Variants in CYTH3 observed in about 807,000 individuals in gnomAD.
CYTH3 encodes the protein cytohesin 3, also known as cytohesin-3.
CYTH3 carries 23 observed loss-of-function variants against 55.1 expected under a neutral mutation model. That is an observed-to-expected ratio of 0.42 (90% CI 0.30 to 0.59). The LOEUF (loss-of-function observed/expected upper bound fraction) is 0.59. Ranked by LOEUF, CYTH3 falls within the 20% of genes least tolerant of loss-of-function variation. The pLI is 0.20. For missense variants in CYTH3, 413 were observed against 524.8 expected (o/e 0.79, Z 2.08); for synonymous variants, 249 against 194.9 (o/e 1.28, Z -2.31).
Position 6,171,337 on chromosome 7 carries a change from G to C in CYTH3, c.450-23C>G. ...TGCCTGTGGAGACACCAAAGCCATG[G>C]GAAGCCGCATCAGAACCAACACCGC... is the stretch of plus-strand genomic sequence containing the variant. On this transcript the variant is annotated intron_variant, in intron 6 of 12. Coordinates refer to ENST00000350796, the MANE Select transcript of CYTH3 (RefSeq NM_004227.4). The surrounding 1 kb of genome is among the most constrained non-coding windows in gnomAD (Gnocchi z 6.7). 6.2e-7 allele frequency: 1 copy of C among 1,611,662 alleles called. No homozygotes were observed. The highest frequency in any genetic ancestry group is 8.5e-7 in the Non-Finnish European group (1 of 1,177,940).
At chr7:6,234,724 C>T (rs1375087041) in intron 1 of CYTH3, among the ~76,000 whole-genome samples, 4 of 152,174 alleles carry the variant, frequency 2.6e-5, no homozygotes, top group Non-Finnish European at 5.9e-5. Flanking sequence ...CCAGCTCTCC[C>T]ACCGCGTGGC....
At chr7:6,256,525 C>G (rs974832574) in intron 1 of CYTH3, among the ~76,000 whole-genome samples, 2 of 152,156 alleles carry the variant, frequency 1.3e-5, no homozygotes, top group Non-Finnish European at 2.9e-5. Context: ...CGCTCTTCAC[C>G]AGAATCATAA....
At chr7:6,255,921 G>T (rs909293453) in intron 1 of CYTH3, among the ~76,000 whole-genome samples, 1 of 151,632 alleles carries the variant, frequency 6.6e-6, no homozygotes, top group African/African-American at 2.4e-5. Flanking sequence ...CCGCCACTAC[G>T]CCCAGCTAAT....
chr7:6,181,392 G>C (rs548934251), intron 4 of CYTH3, among the ~76,000 whole-genome samples: 1 of 152,176 alleles, frequency 6.6e-6, no homozygotes, highest in Non-Finnish European at 1.5e-5. Flanking sequence ...TGAGTGACAG[G>C]ACAGACAGAA....
chr7:6,175,444 A>G (rs1347995190), intron 5 of CYTH3, among the ~76,000 whole-genome samples: 2 of 151,228 alleles, frequency 1.3e-5, no homozygotes, highest in East Asian at 3.9e-4. Context: ...ATTATTTGAC[A>G]TTAATGTGAG....
At chr7:6,189,638 T>G (rs1783748503) in intron 2 of CYTH3, among the ~76,000 whole-genome samples, 1 of 152,046 alleles carries the variant, frequency 6.6e-6, no homozygotes, top group African/African-American at 2.4e-5. Context: ...TACCACCTGG[T>G]AGGCACTTGG....
chr7:6,202,742 A>G (rs1045294260), intron 1 of CYTH3, among the ~76,000 whole-genome samples: 1 of 152,166 alleles, frequency 6.6e-6, no homozygotes, highest in African/African-American at 2.4e-5. Flanking sequence ...TACAGGCGTG[A>G]GCCACCGTGC....
At position 6,165,786 on chromosome 7, in the gene CYTH3, C is replaced by T. The variant is rs751931620; in HGVS notation, c.848G>A (p.Arg283His). The change falls in exon 10 of 13, where the codon CGC becomes CAC. Residue 283 changes from arginine to histidine, a missense_variant. Arg to His is a conservative substitution (Grantham distance 29, BLOSUM62 0). This residue lies in a region of CYTH3 where 156 missense variants were observed against 233.1 expected (regional missense o/e 0.67). Transcript: ENST00000350796. ...GTTATCGGTCAGGATGAACCACCGG[C>T]GCTTCCAGGTCTTCACACGCCCTCC... ...KLGGRVKTWK[R>H]RWFILTDNCL... 4 of 1,614,144 alleles carry T rather than the reference C, an allele frequency of 2.5e-6. No homozygotes were observed. The highest frequency in any genetic ancestry group is 3.3e-5 in the Admixed American group (2 of 60,020).
chr7:6,223,311 G>A (rs1779135209), intron 1 of CYTH3, among the ~76,000 whole-genome samples: 2 of 152,336 alleles, frequency 1.3e-5, no homozygotes, highest in South Asian at 4.1e-4. Flanking sequence ...GCCCCGTCTG[G>A]GAAGTGTACC....
rs1003666359 is a variant in CYTH3 at position 6,162,466 on chromosome 7, G to A, written c.*2478C>T. The A allele has an allele frequency of 2.3e-4, 34 of 148,728 alleles. No homozygotes were observed. The highest frequency in any genetic ancestry group is 7.5e-4 in the African/African-American group (30 of 40,222). The allele number at this position is 148,728 out of a possible 1,614,324, so 9.2% of individuals were successfully genotyped here. A position where few individuals can be genotyped will look rare whatever the true frequency, so the allele number is the denominator to read the frequency against. On this transcript the variant is annotated 3_prime_UTR_variant, in exon 13 of 13. Coordinates refer to ENST00000350796, the MANE Select transcript of CYTH3 (RefSeq NM_004227.4). ...GTGATTGTGACGCGGCCTGCCCAGG[G>A]TGAGGGACAAAAAACAGATGTGTCC...
At chr7:6,183,007 GA>G (rs1186348284) in intron 4 of CYTH3, among the ~76,000 whole-genome samples, 2 of 152,226 alleles carry the variant, frequency 1.3e-5, no homozygotes, top group Admixed American at 1.3e-4. Context: ...CAGTGATCTG[GA>G]AGAGGAGCAG....
intron 1 of CYTH3, among the ~76,000 whole-genome samples, chr7:6,248,673 G>C (rs1249736130): frequency 6.6e-6 from 1 of 152,176 alleles, no homozygotes; most frequent in Non-Finnish European, 1.5e-5. Context: ...TGGCCACTCA[G>C]GGTCATCAGG....
At chr7:6,165,236 A>T in intron 12 of CYTH3, 37 bp downstream of exon 12, 1 of 1,588,034 alleles carries the variant, frequency 6.3e-7, no homozygotes, top group South Asian at 1.1e-5. Flanking sequence ...CCGGCACGAG[A>T]AGACGGGCCT....
intron 5 of CYTH3, among the ~76,000 whole-genome samples, chr7:6,177,478 A>C (rs1304378050): frequency 1.3e-5 from 2 of 152,246 alleles, no homozygotes; most frequent in African/African-American, 2.4e-5. Flanking sequence ...ACCACTGAGA[A>C]ATCAGGCTTA....
At position 6,173,720 on chromosome 7, in the gene CYTH3, T is replaced by C. The variant is rs1783261337; in HGVS notation, c.382A>G (p.Ile128Val). ...DYLGERDEFN[I>V]KVLQAFVELH... ...TCAACAAAGGCTTGAAGAACTTTAATATTAAATTCATCCCTGGGAAAAAAA... is the reference window on the plus strand; with the variant it reads ...TCAACAAAGGCTTGAAGAACTTTAACATTAAATTCATCCCTGGGAAAAAAA... The change falls in exon 6 of 13, where the codon ATT (isoleucine) becomes GTT (valine). Residue 128 changes from isoleucine (I) to valine (V), a missense_variant. By Grantham distance (29) the Ile-to-Val change is conservative. Coordinates refer to ENST00000350796, the MANE Select transcript of CYTH3 (RefSeq NM_004227.4). The C allele has an allele frequency of 3.1e-6, 5 of 1,601,906 alleles. No homozygotes were observed. Among genetic ancestry groups the C allele is most frequent in the South Asian group, 1.1e-5 (1 of 90,864 alleles).
At chr7:6,272,425 GCCCCCGA>G in intron 1 of CYTH3, 42 bp downstream of exon 1, 1 of 1,166,874 alleles carries the variant, frequency 8.6e-7, no homozygotes, top group Non-Finnish European at 1.1e-6. Context: ...CCAGCCCCCG[GCCCCCGA>G]CCCCAGGCCG....
chr7:6,248,654 G>A (rs956614704), intron 1 of CYTH3, among the ~76,000 whole-genome samples: 76 of 152,232 alleles, frequency 5.0e-4, no homozygotes, highest in African/African-American at 1.8e-3. Context: ...AGCCCACCCC[G>A]GCTGCCCGTG....
intron 1 of CYTH3, among the ~76,000 whole-genome samples, chr7:6,219,794 T>C (rs1162884484): frequency 6.6e-6 from 1 of 152,154 alleles, no homozygotes. Context: ...AGTTTTTTTT[T>C]AAGAGATAGC....
At chr7:6,208,277 A>T (rs774169253) in intron 1 of CYTH3, among the ~76,000 whole-genome samples, 5 of 152,234 alleles carry the variant, frequency 3.3e-5, no homozygotes, top group Non-Finnish European at 7.3e-5. Context: ...ACTAACAAAC[A>T]TGGTGTTACA....
Sources: gnomAD v4.1 joint callset for allele counts (sites outside exome capture counted in the v4.1 genomes callset) on GRCh38, gnomAD v4.1.1 for gene constraint, gnomAD v4.1.1 regional missense constraint, Gnocchi (gnomAD v3.1) non-coding constraint, MANE v1.5 for transcripts, NCBI Gene and HGNC (gene_info 2026-07-23, HGNC 2026-07-21) for gene names.